The following ZNF469 variants were observed in gnomAD, a reference collection of about 807,000 sequenced individuals.
ZNF469 encodes zinc finger protein 469.
Under a neutral mutation model 1.0 loss-of-function variants are expected in ZNF469, and 1 was observed. The observed-to-expected ratio is 1.00, with a 90% CI of 0.35 to 4.73. ZNF469 has a LOEUF of 4.73. ZNF469 is among the 30% of genes most tolerant of loss of function. The probability of loss-of-function intolerance (pLI) is 0.16; values close to 1 mark genes in which losing one functional copy is unlikely to be tolerated. For synonymous variants in ZNF469, 2,703 were observed against 2,363.4 expected, an observed-to-expected ratio of 1.14 and a Z score of -4.17; for missense variants, 6,100 against 5,356.3, an observed-to-expected ratio of 1.14 and a Z score of -4.33.
the ZNF469 span, among the ~76,000 whole-genome samples, chr16:88,107,973 C>T: frequency 1.3e-5 from 2 of 152,224 alleles, no homozygotes; most frequent in East Asian, 1.9e-4. Flanking sequence ...ACACAGGTCT[C>T]GCTGACCCCA....
At chr16:88,317,100 C>T in the ZNF469 span, among the ~76,000 whole-genome samples, 4 of 152,304 alleles carry the variant, frequency 2.6e-5, no homozygotes, top group South Asian at 2.1e-4. Flanking sequence ...TTGAGGAGAG[C>T]GCCACATGGG....
chr16:88,115,856 C>G, the ZNF469 span, among the ~76,000 whole-genome samples: 1 of 152,224 alleles, frequency 6.6e-6, no homozygotes, highest in Admixed American at 6.5e-5. Flanking sequence ...TCCAGGTATT[C>G]CTGGGCTTGT....
At chr16:88,366,550 A>T in the ZNF469 span, among the ~76,000 whole-genome samples, 971 of 46,990 alleles carry the variant, frequency 0.021, 14 homozygotes, top group Middle Eastern at 0.083. Context: ...CACCACCATC[A>T]TCACCATCAC....
chr16:88,365,696 T>C, the ZNF469 span, among the ~76,000 whole-genome samples: 1 of 152,192 alleles, frequency 6.6e-6, no homozygotes, highest in African/African-American at 2.4e-5. Context: ...GCGGGTCCAC[T>C]CCATGGTGCT....
chr16:88,191,284 C>G, the ZNF469 span, among the ~76,000 whole-genome samples: 1 of 152,102 alleles, frequency 6.6e-6, no homozygotes, highest in Non-Finnish European at 1.5e-5. Context: ...TGAAGGGCAC[C>G]CGAGGTTCCA....
At chr16:88,421,953 T>G (rs1328865271) in intron 1 of ZNF469, among the ~76,000 whole-genome samples, 1 of 152,130 alleles carries the variant, frequency 6.6e-6, no homozygotes, top group African/African-American at 2.4e-5. Context: ...ATGTAAAGAC[T>G]TGTGGATGGA....
At chr16:88,423,502 G>T (rs560547324) in intron 1 of ZNF469, among the ~76,000 whole-genome samples, 91 of 152,120 alleles carry the variant, frequency 6.0e-4, no homozygotes, top group Non-Finnish European at 1.2e-3. Flanking sequence ...CATGAGTTAC[G>T]GTTGTCTATT....
chr16:88,383,475 G>A (rs1485347470), intron 1 of ZNF469, among the ~76,000 whole-genome samples: 3 of 149,022 alleles, frequency 2.0e-5, no homozygotes, highest in East Asian at 2.0e-4. Flanking sequence ...GCGGGGCAGC[G>A]AGCGCCGGGG....
At chr16:88,276,168 A>G in the ZNF469 span, among the ~76,000 whole-genome samples, 1 of 152,078 alleles carries the variant, frequency 6.6e-6, no homozygotes, top group Non-Finnish European at 1.5e-5. Context: ...GGGTGAGAAA[A>G]CGAGGCCCCT....
At chr16:88,335,990 G>A in the ZNF469 span, among the ~76,000 whole-genome samples, 1 of 146,992 alleles carries the variant, frequency 6.8e-6, no homozygotes, top group East Asian at 2.0e-4. Flanking sequence ...AGACACTGAT[G>A]CACCAATACC....
chr16:88,345,843 G>A, the ZNF469 span, among the ~76,000 whole-genome samples: 1 of 152,202 alleles, frequency 6.6e-6, no homozygotes, highest in African/African-American at 2.4e-5. Context: ...GCCCCACCGA[G>A]GCTGCCAGAG....
At chr16:88,162,430 G>C in the ZNF469 span, among the ~76,000 whole-genome samples, 1 of 148,880 alleles carries the variant, frequency 6.7e-6, no homozygotes, top group South Asian at 2.1e-4. Context: ...AGACTGAAAT[G>C]AAGTTTGTAA....
chr16:88,252,521 A>T, the ZNF469 span, among the ~76,000 whole-genome samples: 1 of 151,648 alleles, frequency 6.6e-6, no homozygotes, highest in African/African-American at 2.4e-5. Flanking sequence ...CTCTTTATAG[A>T]GTATTTAAAT....
rs948044932 is a variant in ZNF469 at position 88,424,254 on chromosome 16, C to T, written c.-191-553C>T. Reference sequence around the variant, plus strand: ...TCACGGAATGTTGTGGGATTATCTACAGGATATGTTGTTACATGAAAAAAA... The same window carrying T: ...TCACGGAATGTTGTGGGATTATCTATAGGATATGTTGTTACATGAAAAAAA... On this transcript the variant is annotated intron_variant, in intron 1 of 2. Transcript: ENST00000565624. This position sits in a 1 kb window ranked among gnomAD's most constrained non-coding sequence, Gnocchi z 4.3. 6.6e-5 allele frequency among the ~76,000 whole-genome samples: 10 copies of T among 152,140 alleles called. No individual in the cohort carries two copies. Among genetic ancestry groups the T allele is most frequent in the African/African-American group, 2.4e-4 (10 of 41,418 alleles).
At chr16:88,217,008 C>G in the ZNF469 span, among the ~76,000 whole-genome samples, 1 of 152,000 alleles carries the variant, frequency 6.6e-6, no homozygotes, top group Admixed American at 6.6e-5. Flanking sequence ...AGCTATGGTT[C>G]TTGAATCAAG....
the ZNF469 span, among the ~76,000 whole-genome samples, chr16:88,287,934 G>A: frequency 6.6e-4 from 100 of 151,892 alleles, 1 homozygote; most frequent in African/African-American, 1.9e-3. Context: ...GATTTTTGTC[G>A]GTTGGTTGTG....
At chr16:88,292,167 G>A in the ZNF469 span, among the ~76,000 whole-genome samples, 3 of 152,204 alleles carry the variant, frequency 2.0e-5, no homozygotes, top group East Asian at 3.9e-4. Flanking sequence ...GGAGCCAGAA[G>A]GGGCCCTGGA....
chr16:88,231,691 C>T, the ZNF469 span, among the ~76,000 whole-genome samples: 5 of 152,174 alleles, frequency 3.3e-5, no homozygotes, highest in Non-Finnish European at 7.3e-5. This position sits in a 1 kb window ranked among gnomAD's most constrained non-coding sequence, Gnocchi z 4.5. Flanking sequence ...CTTCTCACAC[C>T]TCCTCCTCCT....
chr16:88,181,806 C>T, the ZNF469 span, among the ~76,000 whole-genome samples: 1,566 of 152,192 alleles, frequency 0.01, 22 homozygotes, highest in African/African-American at 0.034. Context: ...TGATAATGAT[C>T]GAAGCAGAAA....
Sources: allele counts gnomAD v4.1 joint callset (sites outside exome capture counted in the v4.1 genomes callset), GRCh38; gene constraint gnomAD v4.1.1; non-coding constraint Gnocchi (gnomAD v3.1); transcripts MANE v1.5; gene names NCBI Gene and HGNC (gene_info 2026-07-23, HGNC 2026-07-21).